Variants in DLGAP2 observed in about 807,000 individuals in gnomAD.
DLGAP2 encodes the protein DLG associated protein 2, also known as disks large-associated protein 2.
DLGAP2 carries 26 observed loss-of-function variants against 100.3 expected under a neutral mutation model. That is an observed-to-expected ratio of 0.26 (90% CI 0.19 to 0.36). DLGAP2 has a LOEUF of 0.36. DLGAP2 is among the 10% of genes least tolerant of loss of function. The probability of loss-of-function intolerance (pLI) is 1.00; values close to 1 mark genes in which losing one functional copy is unlikely to be tolerated. For missense variants in DLGAP2, 1,858 were observed against 1,453.2 expected, an observed-to-expected ratio of 1.28 and a Z score of -4.53; for synonymous variants, 886 against 630.1, an observed-to-expected ratio of 1.41 and a Z score of -6.08.
At chr8:1,032,373 T>C (rs965415836) in intron 2 of DLGAP2, among the ~76,000 whole-genome samples, 1 of 152,106 alleles carries the variant, frequency 6.6e-6, no homozygotes, top group Non-Finnish European at 1.5e-5. Context: ...AGGACCTGGC[T>C]CCCAGCGATT....
intron 3 of DLGAP2, among the ~76,000 whole-genome samples, chr8:1,316,886 T>C (rs1208571893): frequency 7.0e-5 from 9 of 129,112 alleles, no homozygotes; most frequent in African/African-American, 2.5e-4. Context: ...CGGCAGCTTT[T>C]AAAAATAGAG....
chr8:878,033 G>C (rs1797718013), intron 1 of DLGAP2, among the ~76,000 whole-genome samples: 1 of 152,170 alleles, frequency 6.6e-6, no homozygotes, highest in Non-Finnish European at 1.5e-5. Flanking sequence ...GTTTGCCAAT[G>C]GACCATTTTC....
intron 3 of DLGAP2, among the ~76,000 whole-genome samples, chr8:1,419,648 CA>C: frequency 6.6e-6 from 1 of 152,260 alleles, no homozygotes; most frequent in East Asian, 1.9e-4. Context: ...AAGTGCAAAT[CA>C]AAACCACACT....
At chr8:772,242 G>T (rs1301558938) in intron 1 of DLGAP2, among the ~76,000 whole-genome samples, 3 of 151,990 alleles carry the variant, frequency 2.0e-5, no homozygotes, top group Non-Finnish European at 4.4e-5. Context: ...TATTGAAAAA[G>T]TAAAAACAGG....
chr8:1,347,834 G>T (rs1394707931), intron 3 of DLGAP2, among the ~76,000 whole-genome samples: 2 of 151,340 alleles, frequency 1.3e-5, no homozygotes, highest in Non-Finnish European at 2.9e-5. Context: ...TGTTAGCTGT[G>T]TGGAGATTGA....
At chr8:1,092,290 G>T (rs776201801) in intron 2 of DLGAP2, among the ~76,000 whole-genome samples, 1 of 152,188 alleles carries the variant, frequency 6.6e-6, no homozygotes, top group East Asian at 1.9e-4. Flanking sequence ...CCACTGTGCC[G>T]GGCTGGCACC....
At chr8:1,435,464 A>G (rs1797591361) in intron 3 of DLGAP2, among the ~76,000 whole-genome samples, 1 of 152,128 alleles carries the variant, frequency 6.6e-6, no homozygotes, top group Non-Finnish European at 1.5e-5. Flanking sequence ...GTCACAATGC[A>G]TGACTCACGT....
chr8:1,473,017 G>A (rs192153967), intron 3 of DLGAP2, among the ~76,000 whole-genome samples: 8 of 151,982 alleles, frequency 5.3e-5, no homozygotes, highest in Admixed American at 6.6e-5. Context: ...TGCAACCTCC[G>A]CCTCCCAGGT....
intron 1 of DLGAP2, among the ~76,000 whole-genome samples, chr8:815,685 A>G (rs1796462698): frequency 6.6e-6 from 1 of 152,226 alleles, no homozygotes; most frequent in Non-Finnish European, 1.5e-5. Context: ...TATTTATTGA[A>G]TGTCTTGAAT....
chr8:1,691,359 T>C (rs1799255535), intron 12 of DLGAP2, among the ~76,000 whole-genome samples, 176 bp from the exon 13 acceptor site: 1 of 152,188 alleles, frequency 6.6e-6, no homozygotes, highest in South Asian at 2.1e-4. Flanking sequence ...ATTTCCTTCA[T>C]GAGTTGGGGA....
chr8:1,139,589 T>G (rs111851417), intron 2 of DLGAP2, among the ~76,000 whole-genome samples: 1 of 152,126 alleles, frequency 6.6e-6, no homozygotes, highest in African/African-American at 2.4e-5. Flanking sequence ...GTGTGAATCT[T>G]GAGGGTACAA....
intron 2 of DLGAP2, among the ~76,000 whole-genome samples, chr8:928,906 G>A (rs1052147777): frequency 3.3e-5 from 5 of 151,736 alleles, no homozygotes; most frequent in Non-Finnish European, 5.9e-5. Flanking sequence ...TGGGCCGGAC[G>A]GCTTTTCAGG....
At chr8:1,422,314 T>G (rs1046827404) in intron 3 of DLGAP2, among the ~76,000 whole-genome samples, 1 of 152,128 alleles carries the variant, frequency 6.6e-6, no homozygotes, top group Admixed American at 6.5e-5. Context: ...AGGGAAGAAG[T>G]GCATTCCAGC....
chr8:1,037,828 AC>A, intron 2 of DLGAP2, among the ~76,000 whole-genome samples: 1 of 152,032 alleles, frequency 6.6e-6, no homozygotes, highest in Non-Finnish European at 1.5e-5. Flanking sequence ...TGTCAGAATC[AC>A]CCTGGGAAAG....
chr8:1,030,107 C>T (rs1163661326), intron 2 of DLGAP2, among the ~76,000 whole-genome samples: 1 of 152,186 alleles, frequency 6.6e-6, no homozygotes, highest in South Asian at 2.1e-4. Flanking sequence ...AAAATACATA[C>T]TTTCACACCA....
intron 1 of DLGAP2, among the ~76,000 whole-genome samples, chr8:814,850 C>CAAAAAAAAAA (rs34412684): frequency 1.6e-5 from 1 of 61,890 alleles, no homozygotes; most frequent in Non-Finnish European, 2.9e-5. Flanking sequence ...GACTCCGTCT[C>CAAAAAAAAAA]AAAAAAAAAA....
intron 3 of DLGAP2, among the ~76,000 whole-genome samples, chr8:1,482,933 C>T (rs1225153328): frequency 6.6e-6 from 1 of 152,242 alleles, no homozygotes; most frequent in Non-Finnish European, 1.5e-5. Flanking sequence ...GGCGGATGGT[C>T]TTGGAGCATT....
intron 2 of DLGAP2, among the ~76,000 whole-genome samples, chr8:1,075,226 C>G (rs1421263661): frequency 6.6e-6 from 1 of 152,166 alleles, no homozygotes; most frequent in African/African-American, 2.4e-5. Flanking sequence ...GCCCAGATGA[C>G]CACTCCGGCT....
chr8:1,176,599 G>T (rs997538183), intron 2 of DLGAP2, among the ~76,000 whole-genome samples: 1 of 22,492 alleles, frequency 4.4e-5, no homozygotes, highest in Non-Finnish European at 9.5e-5. Flanking sequence ...TCCAGTGCAC[G>T]ACAGGGGTCG....
Sources: gnomAD v4.1 joint callset for allele counts (sites outside exome capture counted in the v4.1 genomes callset) on GRCh38, gnomAD v4.1.1 for gene constraint, MANE v1.5 for transcripts, NCBI Gene and HGNC (gene_info 2026-07-23, HGNC 2026-07-21) for gene names.